Variants in ABCA9 observed in about 807,000 individuals in gnomAD.
ABCA9 encodes the protein ATP-binding cassette sub-family A member 9.
ABCA9 carries 183 observed loss-of-function variants against 205.3 expected under a neutral mutation model. The ratio of observed to expected loss-of-function variants is 0.89; its 90% CI spans 0.79 to 1.01. The LOEUF (loss-of-function observed/expected upper bound fraction) is 1.01, where lower values mean the gene tolerates loss of function less well. Ranked by LOEUF, ABCA9 falls within the 50% of genes least tolerant of loss-of-function variation. ABCA9 has a pLI of 0.00. For synonymous variants in ABCA9, 651 were observed against 683.3 expected, an observed-to-expected ratio of 0.95 and a Z score of 0.74; for missense variants, 1,805 against 1,912.4, an observed-to-expected ratio of 0.94 and a Z score of 1.05.
chr17:68,984,712 C>T (rs1381437969), intron 34 of ABCA9, among the ~76,000 whole-genome samples, 173 bp downstream of exon 34: 3 of 152,136 alleles, frequency 2.0e-5, no homozygotes, highest in Admixed American at 2.0e-4. Context: ...GATAATATAG[C>T]TTTTTCTTCT....
intron 25 of ABCA9, among the ~76,000 whole-genome samples, chr17:69,007,525 A>G (rs983162486): frequency 6.6e-6 from 1 of 152,254 alleles, no homozygotes; most frequent in African/African-American, 2.4e-5. Flanking sequence ...TGCTAGAAGC[A>G]GAAGTCTCTA....
chr17:69,078,317 C>T, the ABCA9 span, among the ~76,000 whole-genome samples: 2 of 152,054 alleles, frequency 1.3e-5, no homozygotes, highest in Non-Finnish European at 2.9e-5. Flanking sequence ...TCTCCTCCCT[C>T]AGCCTCCCGA....
In ABCA9 at chr17:69,035,781, T is replaced by C. The variant is rs987866272; in HGVS notation, c.821A>G (p.Tyr274Cys). Residue 274 changes from tyrosine to cysteine, a missense_variant, in exon 7 of 39, where the codon TAT becomes TGT. Physicochemically the swap from Tyr to Cys is radical, Grantham distance 194 (BLOSUM62 -2). Coordinates refer to ENST00000340001, the MANE Select transcript of ABCA9 (RefSeq NM_080283.4). ...GGCCATGATAAGGATGAAGCCAGCA[T>C]ACATCAAACCCCAGGAAAGCCTAGC... ...SAFWLSWGLM[Y>C]AGFILIMATL... 6.8e-6 allele frequency: 11 copies of C among 1,612,978 alleles called. No individual in the cohort carries two copies. The highest frequency in any genetic ancestry group is 2.7e-5 in the African/African-American group (2 of 74,890).
chr17:69,016,803 A>G (rs2070632770), intron 21 of ABCA9, among the ~76,000 whole-genome samples: 1 of 152,086 alleles, frequency 6.6e-6, no homozygotes, highest in South Asian at 2.1e-4. Flanking sequence ...TAATGAAAGT[A>G]TAGGTTTTCA....
At chr17:69,002,835 C>T (rs1598354931) in intron 25 of ABCA9, among the ~76,000 whole-genome samples, 1 of 143,124 alleles carries the variant, frequency 7.0e-6, no homozygotes, top group East Asian at 2.0e-4. Flanking sequence ...GGATAGTTAG[C>T]TCTTCTTGTT....
chr17:69,005,079 C>T (rs989826252), intron 25 of ABCA9, among the ~76,000 whole-genome samples: 8 of 152,226 alleles, frequency 5.3e-5, no homozygotes, highest in Non-Finnish European at 7.3e-5. Context: ...AATCACCCGT[C>T]TTCTGCGTCG....
chr17:69,071,150 G>A, the ABCA9 span, among the ~76,000 whole-genome samples: 13 of 152,318 alleles, frequency 8.5e-5, no homozygotes, highest in East Asian at 1.9e-3. Flanking sequence ...GAGAAGGGGC[G>A]GCTGTGGGCA....
At chr17:69,045,053 T>C in intron 4 of ABCA9, 119 bp downstream of exon 4, 1 of 722,382 alleles carries the variant, frequency 1.4e-6, no homozygotes, top group East Asian at 2.8e-5. Flanking sequence ...TGTTCAGAAA[T>C]TAAAGCTCTA....
upstream of ABCA9, among the ~76,000 whole-genome samples, chr17:69,065,927 C>T (rs1047166363): frequency 6.6e-6 from 1 of 152,052 alleles, no homozygotes; most frequent in African/African-American, 2.4e-5. Flanking sequence ...CCCTTTTGCT[C>T]GGCACTTCTC....
Position 68,995,962 on chromosome 17 carries a change from C to T in ABCA9, c.3488G>A (p.Gly1163Glu). ...TATTAACATGGTGCCAAAAAATAGC[C>T]CTAGAAATCCATATTCATTTAGATC... is the stretch of plus-strand genomic sequence containing the variant. The part of the protein sequence containing the change: ...ATDLNEYGFL[G>E]LFFGTMLIPP... The change falls in exon 26 of 39, where the codon GGG becomes GAG. Residue 1163 changes from glycine to glutamate, a missense_variant. Physicochemically the swap from Gly to Glu is moderately conservative, Grantham distance 98 (BLOSUM62 -2). Coordinates refer to ENST00000340001, the MANE Select transcript of ABCA9 (RefSeq NM_080283.4). 6.2e-7 allele frequency: 1 copy of T among 1,613,616 alleles called. No homozygotes were observed. Among genetic ancestry groups the T allele is most frequent in the Non-Finnish European group, 8.5e-7 (1 of 1,179,864 alleles).
chr17:69,049,972 G>A (rs1186827206), intron 2 of ABCA9, among the ~76,000 whole-genome samples: 4 of 151,924 alleles, frequency 2.6e-5, no homozygotes, highest in Admixed American at 6.6e-5. Flanking sequence ...TGTGGTCATC[G>A]TGACCACATT....
the ABCA9 span, among the ~76,000 whole-genome samples, chr17:69,069,991 A>T: frequency 4.6e-5 from 7 of 152,196 alleles, no homozygotes; most frequent in African/African-American, 1.7e-4. Flanking sequence ...ATATATTGTC[A>T]TGTTATTCAT....
Position 69,020,391 on chromosome 17 carries a change from G to A in ABCA9, c.2597C>T (p.Thr866Ile). Residue 866 changes from threonine to isoleucine, a missense_variant, in exon 19 of 39, where the codon ACT (threonine) becomes ATT (isoleucine). By Grantham distance (89) the Thr-to-Ile change is moderately conservative (BLOSUM62 -1). Coordinates refer to ENST00000340001, the MANE Select transcript of ABCA9 (RefSeq NM_080283.4). ...TCTGAAACACTCAGATACTCACATAGTCCACAGGCTTTTTCTTTCTTTCTT... is the reference window on the plus strand; with the variant it reads ...TCTGAAACACTCAGATACTCACATAATCCACAGGCTTTTTCTTTCTTTCTT... The part of the protein sequence containing the change: ...KLKKERKSLW[T>I]ILLLFGISFI... 1 of 1,612,560 alleles carries A rather than the reference G, an allele frequency of 6.2e-7. No individual in the cohort carries two copies. Among genetic ancestry groups the A allele is most frequent in the Non-Finnish European group, 8.5e-7 (1 of 1,179,432 alleles).
intron 22 of ABCA9, among the ~76,000 whole-genome samples, chr17:69,013,174 C>G (rs2070447185): frequency 6.6e-6 from 1 of 152,084 alleles, no homozygotes; most frequent in African/African-American, 2.4e-5. Context: ...AGTGCTGTAA[C>G]AAACATGAGA....
At chr17:68,995,285 G>T (rs1418453103) in intron 26 of ABCA9, among the ~76,000 whole-genome samples, 2 of 152,014 alleles carry the variant, frequency 1.3e-5, no homozygotes, top group Non-Finnish European at 2.9e-5. Flanking sequence ...TATCTCCCTG[G>T]CTCCATCTCA....
intron 1 of ABCA9, among the ~76,000 whole-genome samples, chr17:69,056,964 G>A (rs1014588340): frequency 3.3e-5 from 5 of 152,220 alleles, no homozygotes; most frequent in African/African-American, 7.2e-5. Flanking sequence ...GTTCAATGGT[G>A]TGAAAATGCA....
chr17:69,030,378 CTCT>C (rs2071117311), intron 10 of ABCA9, among the ~76,000 whole-genome samples: 1 of 152,202 alleles, frequency 6.6e-6, no homozygotes, highest in Non-Finnish European at 1.5e-5. Flanking sequence ...TCTCTTGTGC[CTCT>C]TCTTATAAAT....
rs1279719004 is a variant in ABCA9 at position 69,011,337 on chromosome 17, T to C, written c.3147+639A>G. On this transcript the variant is annotated intron_variant, in intron 23 of 38. Coordinates refer to ENST00000340001, the MANE Select transcript of ABCA9 (RefSeq NM_080283.4). ...GAGGAAAAAGACAGTGAATGTGTGGTCTTATAAAAGTAAAGGAAAAATAGT... is the reference window on the plus strand; with the variant it reads ...GAGGAAAAAGACAGTGAATGTGTGGCCTTATAAAAGTAAAGGAAAAATAGT... 3.9e-5 allele frequency among the ~76,000 whole-genome samples: 6 copies of C among 152,044 alleles called. No homozygotes were observed. The East Asian group carries it at 1.2e-3, about 29-fold the overall frequency.
At chr17:69,078,147 T>A in the ABCA9 span, among the ~76,000 whole-genome samples, 4 of 151,928 alleles carry the variant, frequency 2.6e-5, no homozygotes, top group Non-Finnish European at 4.4e-5. Context: ...ACATGAGTGC[T>A]TGTCTACTTG....
Sources: allele counts gnomAD v4.1 joint callset (sites outside exome capture counted in the v4.1 genomes callset), GRCh38; gene constraint gnomAD v4.1.1; transcripts MANE v1.5; gene names NCBI Gene and HGNC (gene_info 2026-07-23, HGNC 2026-07-21).